The following RUNDC3B variants were observed in gnomAD, a reference collection of about 807,000 sequenced individuals.
The protein encoded by RUNDC3B is RUN domain containing 3B.
In RUNDC3B, 33 loss-of-function variants were observed where a neutral mutation model predicts 58.4. The observed-to-expected ratio is 0.56, with a 90% CI of 0.43 to 0.75. The LOEUF (loss-of-function observed/expected upper bound fraction) is 0.75. Among genes scored for constraint, RUNDC3B ranks in the 30% least tolerant of loss-of-function variants. The pLI is 0.00. For synonymous variants in RUNDC3B, 193 were observed against 195.2 expected (o/e 0.99, Z 0.10); for missense variants, 501 against 535.7 (o/e 0.94, Z 0.64).
At chr7:87,807,547 A>G in intron 9 of RUNDC3B, 28 bp downstream of exon 9, 8 of 1,567,260 alleles carry the variant, frequency 5.1e-6, no homozygotes, top group Non-Finnish European at 7.0e-6. Flanking sequence ...TTTTCCAACT[A>G]ATTAATAGTT....
At chr7:87,700,637 C>A in intron 3 of RUNDC3B, 83 bp downstream of exon 3, 1 of 1,273,616 alleles carries the variant, frequency 7.9e-7, no homozygotes, top group Non-Finnish European at 1.1e-6. Context: ...AAGCTACTTA[C>A]TATGAATTTC....
chr7:87,819,173 T>C (rs945649359), intron 10 of RUNDC3B, among the ~76,000 whole-genome samples: 2 of 152,124 alleles, frequency 1.3e-5, no homozygotes, highest in Non-Finnish European at 2.9e-5. Flanking sequence ...GTCCGACTGA[T>C]TATTCAGTAA....
intron 4 of RUNDC3B, among the ~76,000 whole-genome samples, chr7:87,737,417 C>T (rs1415048328): frequency 6.6e-6 from 1 of 151,736 alleles, no homozygotes; most frequent in Admixed American, 6.6e-5. Flanking sequence ...AAGTATTGAC[C>T]ACAGGAATCA....
intron 6 of RUNDC3B, among the ~76,000 whole-genome samples, chr7:87,751,487 C>T (rs996081988): frequency 3.3e-5 from 5 of 152,118 alleles, no homozygotes; most frequent in Admixed American, 2.6e-4. Flanking sequence ...GCCATTTTCA[C>T]GATGTTGATT....
rs567926489 is a variant in RUNDC3B at position 87,736,869 on chromosome 7, ATATATATATATATATATATATTTTTTT to A, written c.459-2920_459-2894del. Among the ~76,000 whole-genome samples the A allele has an allele frequency of 8.8e-3, 325 of 36,820 alleles. 4 individuals are homozygous for A. Among genetic ancestry groups the A allele is most frequent in the African/African-American group, 0.032 (304 of 9,618 alleles). The allele number at this position is 36,820 out of a possible 152,430, so 24.2% of individuals were successfully genotyped here. ...TATATATATACCTATATATATATAT[ATATATATATATATATATATATTTTTTT>A]TTTTTTTTTTTTTTTTTTTGAGAAA... On this transcript the variant is annotated intron_variant, in intron 4 of 10. Transcript: ENST00000394654.
chr7:87,719,340 C>A (rs1420867716), intron 4 of RUNDC3B, among the ~76,000 whole-genome samples: 1 of 151,826 alleles, frequency 6.6e-6, no homozygotes, highest in East Asian at 1.9e-4. Context: ...AATTTGGCTG[C>A]AATCTCTATG....
At position 87,685,241 on chromosome 7, in the gene RUNDC3B, T is replaced by G. The variant is rs367603711; in HGVS notation, c.239-15180T>G. On this transcript the variant is annotated intron_variant, in intron 2 of 10. Coordinates refer to ENST00000394654, the MANE Select transcript of RUNDC3B (RefSeq NM_001134405.2). ...CAAAGAATTGCTATAAAAACCTTAA[T>G]AATATGAAAACCAATCCAATTTTAA... is the stretch of plus-strand genomic sequence containing the variant. Among the ~76,000 whole-genome samples the G allele has an allele frequency of 5.9e-5, 9 of 152,238 alleles. No homozygotes were observed. The East Asian group carries it at 1.7e-3, about 29-fold the overall frequency.
intron 4 of RUNDC3B, among the ~76,000 whole-genome samples, chr7:87,715,919 A>G (rs1461249187): frequency 6.6e-6 from 1 of 152,128 alleles, no homozygotes; most frequent in Non-Finnish European, 1.5e-5. Context: ...AGTCACTGAC[A>G]AGGAGAGAAT....
chr7:87,660,984 T>G (rs192886864), intron 2 of RUNDC3B, among the ~76,000 whole-genome samples: 271 of 152,168 alleles, frequency 1.8e-3, no homozygotes, highest in Middle Eastern at 3.4e-3. Flanking sequence ...GTTACTTTAA[T>G]AAATGTCCCA....
At chr7:87,772,237 A>G (rs1333519587) in intron 7 of RUNDC3B, among the ~76,000 whole-genome samples, 2 of 152,178 alleles carry the variant, frequency 1.3e-5, no homozygotes, top group Non-Finnish European at 2.9e-5. Flanking sequence ...AATAACAGCA[A>G]TGTTTAACAA....
chr7:87,828,004 A>C (rs993252868), intron 10 of RUNDC3B, among the ~76,000 whole-genome samples: 11 of 152,122 alleles, frequency 7.2e-5, no homozygotes, highest in Non-Finnish European at 1.0e-4. Flanking sequence ...GAAAGCAATA[A>C]ATGTATAAAG....
At chr7:87,694,271 T>A (rs542831027) in intron 2 of RUNDC3B, among the ~76,000 whole-genome samples, 10 of 152,260 alleles carry the variant, frequency 6.6e-5, no homozygotes, top group African/African-American at 2.2e-4. Flanking sequence ...CCAGTCTCAG[T>A]AAAACATAGA....
At chr7:87,697,341 CT>C (rs1393178738) in intron 2 of RUNDC3B, among the ~76,000 whole-genome samples, 1 of 152,144 alleles carries the variant, frequency 6.6e-6, no homozygotes, top group Non-Finnish European at 1.5e-5. Flanking sequence ...ATACTCTTTC[CT>C]TAAGATTCTT....
At chr7:87,802,146 C>T (rs930463207) in intron 8 of RUNDC3B, among the ~76,000 whole-genome samples, 34 of 152,162 alleles carry the variant, frequency 2.2e-4, no homozygotes, top group Admixed American at 1.3e-4. Flanking sequence ...AATCCCAGCA[C>T]TTTGGGAGGC....
intron 4 of RUNDC3B, among the ~76,000 whole-genome samples, chr7:87,733,937 C>G (rs574130319): frequency 8.5e-5 from 13 of 152,242 alleles, no homozygotes; most frequent in African/African-American, 2.6e-4. Flanking sequence ...ATATGAAGAA[C>G]TTTTACAACT....
At chr7:87,634,149 G>A (rs1021655479) in intron 1 of RUNDC3B, among the ~76,000 whole-genome samples, 4 of 152,180 alleles carry the variant, frequency 2.6e-5, no homozygotes, top group African/African-American at 9.6e-5. Flanking sequence ...GTGAGAACTG[G>A]CTCACTAGTG....
intron 4 of RUNDC3B, among the ~76,000 whole-genome samples, chr7:87,735,254 C>T (rs191216816): frequency 6.6e-6 from 1 of 152,262 alleles, no homozygotes; most frequent in Admixed American, 6.5e-5. Context: ...TCTTATTGAT[C>T]CTACCTCCAA....
At chr7:87,651,468 G>A (rs985788532) in intron 2 of RUNDC3B, among the ~76,000 whole-genome samples, 1 of 151,956 alleles carries the variant, frequency 6.6e-6, no homozygotes, top group Non-Finnish European at 1.5e-5. Context: ...CTGAATTTTA[G>A]ATTCTTTAAA....
chr7:87,660,746 T>G (rs1824619591), intron 2 of RUNDC3B, among the ~76,000 whole-genome samples: 1 of 152,018 alleles, frequency 6.6e-6, no homozygotes, highest in African/African-American at 2.4e-5. Flanking sequence ...GCTAAATTTA[T>G]GTTTGAGTAA....
Sources: gnomAD v4.1 joint callset for allele counts (sites outside exome capture counted in the v4.1 genomes callset) on GRCh38, gnomAD v4.1.1 for gene constraint, MANE v1.5 for transcripts, NCBI Gene and HGNC (gene_info 2026-07-23, HGNC 2026-07-21) for gene names.